The following INTU variants were observed in gnomAD, a reference collection of about 807,000 sequenced individuals.
INTU encodes the protein inturned planar cell polarity protein.
INTU carries 68 observed loss-of-function variants against 100.5 expected under a neutral mutation model. The ratio of observed to expected loss-of-function variants is 0.68; its 90% CI spans 0.56 to 0.83. The LOEUF (loss-of-function observed/expected upper bound fraction) is 0.83. Among genes scored for constraint, INTU ranks in the 40% least tolerant of loss-of-function variants. The pLI is 0.00. For missense variants in INTU, 1,071 were observed against 1,114.7 expected, an observed-to-expected ratio of 0.96 and a Z score of 0.56; for synonymous variants, 357 against 395.7, an observed-to-expected ratio of 0.90 and a Z score of 1.16.
In INTU at chr4:127,706,606, T is replaced by C. The variant is rs1730889522; in HGVS notation, c.1908T>C (p.Asp636=). ...TCAAAACAACTCTTCACCAGCTGGA[T>C]GGAGTAGATTCTCGCATAGATGAAC... The part of the protein sequence containing the change: ...DQVKTTLHQL[D]GVDSRIDERL... The change falls in exon 12 of 16, where the codon GAT becomes GAC. Residue 636 remains aspartate, a synonymous_variant. Transcript: ENST00000335251. 1 of 1,613,972 alleles carries C rather than the reference T, an allele frequency of 6.2e-7. No individual in the cohort carries two copies. Among genetic ancestry groups the C allele is most frequent in the Non-Finnish European group, 8.5e-7 (1 of 1,179,982 alleles).
chr4:127,679,516 T>G (rs1188541005), intron 6 of INTU, among the ~76,000 whole-genome samples: 1 of 151,894 alleles, frequency 6.6e-6, no homozygotes, highest in Non-Finnish European at 1.5e-5. Flanking sequence ...GGGTACATAA[T>G]GAAATGAAGG....
chr4:127,700,424 CTAGCTA>C (rs1214194063), intron 9 of INTU, among the ~76,000 whole-genome samples: 1 of 152,074 alleles, frequency 6.6e-6, no homozygotes, highest in African/African-American at 2.4e-5. Flanking sequence ...ATTGTATTTC[CTAGCTA>C]TGGCCAATGA....
At chr4:127,654,789 G>A (rs1728097541) in intron 2 of INTU, among the ~76,000 whole-genome samples, 1 of 146,776 alleles carries the variant, frequency 6.8e-6, no homozygotes, top group African/African-American at 2.6e-5. Context: ...GATTGGGGAA[G>A]TTCTCCTGGA....
rs1727009980 is a variant in INTU, at chr4:127,635,107, G to C, written c.146+1927G>C. Among the ~76,000 whole-genome samples the C allele has an allele frequency of 3.3e-5, 5 of 152,064 alleles. 1 individual carries two copies. Among genetic ancestry groups the C allele is most frequent in the Admixed American group, 3.3e-4 (5 of 15,276 alleles). ...AGTTAACTGCGTGTTCTTTTTAGAA[G>C]TTACTGTTTCATACATGCTTTGTAC... On this transcript the variant is annotated intron_variant, in intron 1 of 15. Transcript: ENST00000335251.
intron 1 of INTU, among the ~76,000 whole-genome samples, chr4:127,641,072 T>C (rs1253640019): frequency 6.6e-6 from 1 of 151,980 alleles, no homozygotes; most frequent in East Asian, 1.9e-4. Flanking sequence ...TTCAAGAGTT[T>C]CTCACATATT....
At chr4:127,681,296 T>G (rs1729532428) in intron 6 of INTU, among the ~76,000 whole-genome samples, 1 of 152,086 alleles carries the variant, frequency 6.6e-6, no homozygotes, top group African/African-American at 2.4e-5. Flanking sequence ...CATCGCCAAG[T>G]CAATCCTAAG....
chr4:127,649,827 A>C (rs533420965), intron 2 of INTU, among the ~76,000 whole-genome samples: 7 of 152,272 alleles, frequency 4.6e-5, no homozygotes, highest in African/African-American at 1.7e-4. Flanking sequence ...TCTTAAATGA[A>C]TGGATGAATA....
At chr4:127,695,282 A>G (rs960971551) in intron 8 of INTU, among the ~76,000 whole-genome samples, 1 of 152,156 alleles carries the variant, frequency 6.6e-6, no homozygotes, top group African/African-American at 2.4e-5. Context: ...TTCAAATTCC[A>G]CTTATTCATC....
intron 15 of INTU, among the ~76,000 whole-genome samples, chr4:127,714,780 A>G (rs1035422803): frequency 5.3e-5 from 8 of 152,010 alleles, no homozygotes; most frequent in Non-Finnish European, 1.0e-4. Context: ...CAGGAATTGT[A>G]TCTGTCTTGT....
At chr4:127,666,416 C>T (rs1310301882) in intron 4 of INTU, among the ~76,000 whole-genome samples, 1 of 152,124 alleles carries the variant, frequency 6.6e-6, no homozygotes, top group African/African-American at 2.4e-5. Context: ...TGCTCTCCTC[C>T]AGAGATAATT....
chr4:127,646,098 C>T (rs1727573868), intron 2 of INTU, among the ~76,000 whole-genome samples: 1 of 150,874 alleles, frequency 6.6e-6, no homozygotes, highest in Admixed American at 6.6e-5. Flanking sequence ...GCACGAGAAT[C>T]ACTTGAACCT....
chr4:127,706,570 T>C lies in INTU; in HGVS notation c.1872T>C (p.Tyr624=), dbSNP rs369798624. 15 of 1,613,974 alleles carry C rather than the reference T, an allele frequency of 9.3e-6. No homozygotes were observed. In the African/African-American group the frequency reaches 1.6e-4, roughly 17 times the overall value. ...GGAGTCCTGGACCAGACTGTGTATA[T>C]GTGGATCAAGTCAAAACAACTCTTC... The part of the protein sequence containing the change: ...AIGSPGPDCV[Y]VDQVKTTLHQ... The change falls in exon 12 of 16, where the codon TAT becomes TAC. Residue 624 remains tyrosine, a synonymous_variant. Coordinates refer to ENST00000335251, the MANE Select transcript of INTU (RefSeq NM_015693.4).
intron 5 of INTU, among the ~76,000 whole-genome samples, chr4:127,669,508 A>G (rs1302153818): frequency 1.3e-5 from 2 of 151,804 alleles, no homozygotes; most frequent in Admixed American, 6.6e-5. Flanking sequence ...TAAGCATGGC[A>G]TTATTATGAA....
chr4:127,698,150 A>G (rs958943052), intron 8 of INTU, among the ~76,000 whole-genome samples: 1 of 152,078 alleles, frequency 6.6e-6, no homozygotes, highest in African/African-American at 2.4e-5. Context: ...AACGTGTGTG[A>G]GGCCGGCCGC....
At position 127,700,117 on chromosome 4, in the gene INTU, A is replaced by C. The variant is rs12331481; in HGVS notation, c.1503+54A>C. 715,449 of 1,283,838 alleles carry C rather than the reference A, an allele frequency of 0.56. 204,361 individuals are homozygous for C. The highest frequency in any genetic ancestry group is 0.76 in the African/African-American group (50,835 of 66,502). The allele number at this position is 1,283,838 out of a possible 1,614,324, so 79.5% of individuals were successfully genotyped here. A position where few individuals can be genotyped will look rare whatever the true frequency, so the allele number is the denominator to read the frequency against. On this transcript the variant is annotated intron_variant, in intron 9 of 15. Coordinates refer to ENST00000335251, the MANE Select transcript of INTU (RefSeq NM_015693.4). ...GCTCAATGTTGAATTATTTTGTATA[A>C]CAGTCATTATTCTAAATATTTACCA...
chr4:127,673,444 C>T (rs925940816), intron 5 of INTU, among the ~76,000 whole-genome samples: 1 of 151,342 alleles, frequency 6.6e-6, no homozygotes, highest in South Asian at 2.1e-4. Flanking sequence ...TTTAGCTTCC[C>T]TTAAGTGCTG....
chr4:127,695,468 G>T (rs1047697246), intron 8 of INTU, among the ~76,000 whole-genome samples: 1 of 152,164 alleles, frequency 6.6e-6, no homozygotes, highest in Non-Finnish European at 1.5e-5. Context: ...TAAGCCGGGT[G>T]TGGTGGCACA....
At chr4:127,653,396 C>A (rs1289739640) in intron 2 of INTU, among the ~76,000 whole-genome samples, 1 of 139,908 alleles carries the variant, frequency 7.1e-6, no homozygotes, top group Non-Finnish European at 1.6e-5. Context: ...GCTTTGAATG[C>A]GTCCCAGAGA....
At chr4:127,684,758 T>C (rs1214896279) in intron 7 of INTU, among the ~76,000 whole-genome samples, 1 of 151,994 alleles carries the variant, frequency 6.6e-6, no homozygotes, top group African/African-American at 2.4e-5. Context: ...TTTTTTGTTA[T>C]AACAGTAGAC....
Sources: gnomAD v4.1 joint callset for allele counts (sites outside exome capture counted in the v4.1 genomes callset) on GRCh38, gnomAD v4.1.1 for gene constraint, MANE v1.5 for transcripts, NCBI Gene and HGNC (gene_info 2026-07-23, HGNC 2026-07-21) for gene names.